BCKDHB: variants seen among roughly 807,000 people sequenced by gnomAD.
The protein encoded by BCKDHB is branched chain keto acid dehydrogenase E1 subunit beta.
BCKDHB carries 41 observed loss-of-function variants against 48.5 expected under a neutral mutation model. The ratio of observed to expected loss-of-function variants is 0.85; its 90% CI spans 0.66 to 1.10. BCKDHB has a LOEUF of 1.10. Ranked by LOEUF, BCKDHB falls within the 50% of genes least tolerant of loss-of-function variation. The probability of loss-of-function intolerance (pLI) is 0.00; values close to 1 mark genes in which losing one functional copy is unlikely to be tolerated. For missense variants in BCKDHB, 496 were observed against 494.2 expected (o/e 1.00, Z -0.03); for synonymous variants, 201 against 174.8 (o/e 1.15, Z -1.18).
intron 8 of BCKDHB, among the ~76,000 whole-genome samples, chr6:80,249,323 A>G (rs1214256076): frequency 6.6e-6 from 1 of 152,086 alleles, no homozygotes; most frequent in African/African-American, 2.4e-5. Context: ...ATGTTCCAGA[A>G]TGCTTGAAAA....
chr6:80,322,599 AGGAGACTT>A (rs1401639616), intron 9 of BCKDHB, among the ~76,000 whole-genome samples: 1 of 152,150 alleles, frequency 6.6e-6, no homozygotes, highest in African/African-American at 2.4e-5. Context: ...CTTTACTTAG[AGGAGACTT>A]TGGCTTAGTG....
At chr6:80,297,362 A>G (rs1449935892) in intron 9 of BCKDHB, among the ~76,000 whole-genome samples, 2 of 152,224 alleles carry the variant, frequency 1.3e-5, no homozygotes, top group East Asian at 1.9e-4. Context: ...GAAGTAAATG[A>G]CATTACACAT....
At chr6:80,229,212 T>C (rs1026347041) in intron 8 of BCKDHB, among the ~76,000 whole-genome samples, 3 of 152,150 alleles carry the variant, frequency 2.0e-5, no homozygotes, top group African/African-American at 4.8e-5. Context: ...TAAACAGATA[T>C]ACTAATACAT....
At chr6:80,131,525 TTTATTTCTTTTC>T (rs1349660793) in intron 3 of BCKDHB, among the ~76,000 whole-genome samples, 6 of 152,140 alleles carry the variant, frequency 3.9e-5, no homozygotes, top group African/African-American at 1.4e-4. Flanking sequence ...CCTGCAGAGT[TTTATTTCTTTTC>T]TTAGCAGTCA....
the BCKDHB span, among the ~76,000 whole-genome samples, chr6:80,465,384 C>T: frequency 6.6e-6 from 1 of 152,220 alleles, no homozygotes; most frequent in Non-Finnish European, 1.5e-5. Context: ...ACAAATCTCA[C>T]AGCTTTCCAA....
intron 8 of BCKDHB, among the ~76,000 whole-genome samples, chr6:80,213,120 A>G (rs767309866): frequency 3.3e-5 from 5 of 152,224 alleles, no homozygotes; most frequent in Non-Finnish European, 5.9e-5. Flanking sequence ...CTGTTGTAAT[A>G]TTAAAATGTT....
intron 8 of BCKDHB, among the ~76,000 whole-genome samples, chr6:80,237,924 A>G (rs1180048039): frequency 6.6e-6 from 1 of 152,214 alleles, no homozygotes; most frequent in Non-Finnish European, 1.5e-5. Flanking sequence ...GGGAAAGGAA[A>G]GAGAGCAAGG....
intron 1 of BCKDHB, among the ~76,000 whole-genome samples, chr6:80,113,528 C>G (rs774738349): frequency 4.6e-5 from 7 of 152,158 alleles, no homozygotes; most frequent in Non-Finnish European, 8.8e-5. Flanking sequence ...CGCTGAAGGG[C>G]CCAAGTTGGA....
At chr6:80,146,914 C>T (rs1358445447) in intron 3 of BCKDHB, among the ~76,000 whole-genome samples, 1 of 152,086 alleles carries the variant, frequency 6.6e-6, no homozygotes, top group Non-Finnish European at 1.5e-5. Context: ...GACATGTGCT[C>T]AGCTAAAGCT....
chr6:80,421,106 C>A, the BCKDHB span, among the ~76,000 whole-genome samples: 1 of 152,016 alleles, frequency 6.6e-6, no homozygotes, highest in African/African-American at 2.4e-5. Context: ...GAGGGAGGGA[C>A]CTGGTGGGAG....
chr6:80,303,546 T>C (rs190808316), intron 9 of BCKDHB, among the ~76,000 whole-genome samples: 1 of 152,198 alleles, frequency 6.6e-6, no homozygotes, highest in Non-Finnish European at 1.5e-5. Flanking sequence ...CCAGAAAGGA[T>C]ACTGACACAA....
intron 9 of BCKDHB, among the ~76,000 whole-genome samples, chr6:80,299,233 A>G (rs1356238494): frequency 6.6e-6 from 1 of 152,098 alleles, no homozygotes; most frequent in Non-Finnish European, 1.5e-5. Flanking sequence ...CTTTAACCCA[A>G]TCCCATTCTT....
intron 6 of BCKDHB, among the ~76,000 whole-genome samples, chr6:80,189,838 C>T (rs1013864709): frequency 7.2e-5 from 11 of 151,728 alleles, no homozygotes; most frequent in African/African-American, 2.7e-4. Flanking sequence ...TTATTAATAC[C>T]CTTTCAGCAT....
At chr6:80,199,700 G>A (rs1388026378) in intron 6 of BCKDHB, among the ~76,000 whole-genome samples, 2 of 148,072 alleles carry the variant, frequency 1.4e-5, no homozygotes, top group Non-Finnish European at 3.0e-5. Flanking sequence ...AACCCAGGAG[G>A]CAGAGGTTGC....
At chr6:80,382,682 G>T in the BCKDHB span, among the ~76,000 whole-genome samples, 1 of 152,032 alleles carries the variant, frequency 6.6e-6, no homozygotes, top group South Asian at 2.1e-4. Context: ...CGTCTTCCCT[G>T]TCTTGATATA....
chr6:80,160,232 C>T (rs1471523272), intron 3 of BCKDHB, among the ~76,000 whole-genome samples: 1 of 151,262 alleles, frequency 6.6e-6, no homozygotes, highest in Non-Finnish European at 1.5e-5. Context: ...TCTTGGCTCA[C>T]TGCAGCCTCT....
At chr6:80,224,274 A>G (rs1270473587) in intron 8 of BCKDHB, among the ~76,000 whole-genome samples, 2 of 152,180 alleles carry the variant, frequency 1.3e-5, no homozygotes, top group African/African-American at 4.8e-5. Flanking sequence ...TATCATGTAT[A>G]ATAAACTGAT....
chr6:80,415,467 G>C, the BCKDHB span, among the ~76,000 whole-genome samples: 1 of 152,110 alleles, frequency 6.6e-6, no homozygotes, highest in Non-Finnish European at 1.5e-5. Context: ...TAAATTCAGA[G>C]CTTTTAACAT....
In BCKDHB at chr6:80,155,578, GT is replaced by G. The variant is rs1331391163; in HGVS notation, c.344-12095del. 5.3e-5 allele frequency among the ~76,000 whole-genome samples: 8 copies of G among 152,200 alleles called. No homozygotes were observed. In the East Asian group the frequency reaches 1.4e-3, roughly 26 times the overall value. Reference sequence around the variant, plus strand: ...CTAGGATTTTGTCATTTTGTAATTAGTTTTTCTATGTGCTCTTTTCATACCC... The same window carrying G: ...CTAGGATTTTGTCATTTTGTAATTAGTTTTCTATGTGCTCTTTTCATACCC... On this transcript the variant is annotated intron_variant, in intron 3 of 9. Coordinates refer to ENST00000320393, the MANE Select transcript of BCKDHB (RefSeq NM_183050.4).
Sources: allele counts gnomAD v4.1 joint callset (sites outside exome capture counted in the v4.1 genomes callset), GRCh38; gene constraint gnomAD v4.1.1; transcripts MANE v1.5; gene names NCBI Gene and HGNC (gene_info 2026-07-23, HGNC 2026-07-21).